The following NKAIN2 variants were observed in gnomAD, a reference collection of about 807,000 sequenced individuals.
The protein encoded by NKAIN2 is sodium/potassium transporting ATPase interacting 2, also known as sodium/potassium-transporting ATPase subunit beta-1-interacting protein 2.
Under a neutral mutation model 32.6 loss-of-function variants are expected in NKAIN2, and 14 were observed. The observed-to-expected ratio is 0.43, with a 90% CI of 0.28 to 0.67. The LOEUF (loss-of-function observed/expected upper bound fraction) is 0.67, where lower values mean the gene tolerates loss of function less well. Ranked by LOEUF, NKAIN2 falls within the 30% of genes least tolerant of loss-of-function variation. The probability of loss-of-function intolerance (pLI) is 0.17; values close to 1 mark genes in which losing one functional copy is unlikely to be tolerated. For synonymous variants in NKAIN2, 80 were observed against 87.2 expected (o/e 0.92, Z 0.46); for missense variants, 198 against 258.3 (o/e 0.77, Z 1.60).
intron 3 of NKAIN2, among the ~76,000 whole-genome samples, chr6:124,562,430 A>G (rs1780730436): frequency 6.6e-6 from 1 of 152,228 alleles, no homozygotes; most frequent in South Asian, 2.1e-4. Flanking sequence ...AAGAAAATAA[A>G]CAGATAGTGT....
intron 2 of NKAIN2, among the ~76,000 whole-genome samples, chr6:124,352,424 A>T (rs570137672): frequency 3.3e-5 from 5 of 152,240 alleles, no homozygotes. Flanking sequence ...GTGAATACAG[A>T]TAAACATGGT....
intron 1 of NKAIN2, among the ~76,000 whole-genome samples, chr6:123,919,601 C>T (rs1400826872): frequency 6.6e-6 from 1 of 152,044 alleles, no homozygotes; most frequent in East Asian, 1.9e-4. Context: ...GTTTTCAAAG[C>T]CTCTGAAAAC....
chr6:124,061,995 C>G (rs574920308), intron 1 of NKAIN2, among the ~76,000 whole-genome samples: 1 of 152,054 alleles, frequency 6.6e-6, no homozygotes, highest in Non-Finnish European at 1.5e-5. Context: ...GGTGCAGAAA[C>G]TGAGATATCT....
At chr6:124,303,510 G>A (rs150813094) in intron 2 of NKAIN2, among the ~76,000 whole-genome samples, 26 of 152,310 alleles carry the variant, frequency 1.7e-4, no homozygotes, top group African/African-American at 5.8e-4. Flanking sequence ...GTCAAAGGCC[G>A]TAATTTGTGC....
At chr6:124,793,827 AC>A (rs1779873281) in intron 5 of NKAIN2, among the ~76,000 whole-genome samples, 1 of 152,116 alleles carries the variant, frequency 6.6e-6, no homozygotes, top group South Asian at 2.1e-4. Context: ...TGTTTTAATC[AC>A]ATTACCTTGA....
chr6:124,412,778 C>T (rs1032622784), intron 3 of NKAIN2, among the ~76,000 whole-genome samples: 3 of 152,172 alleles, frequency 2.0e-5, no homozygotes, highest in Non-Finnish European at 4.4e-5. Flanking sequence ...AGAGGTGGAG[C>T]CTACCTAGGC....
At chr6:123,848,928 A>G (rs1463721447) in intron 1 of NKAIN2, among the ~76,000 whole-genome samples, 1 of 152,212 alleles carries the variant, frequency 6.6e-6, no homozygotes, top group Non-Finnish European at 1.5e-5. Flanking sequence ...GGACTTAGTG[A>G]TATTTCTGCC....
chr6:124,180,997 G>C (rs1048468779), intron 1 of NKAIN2, among the ~76,000 whole-genome samples: 1 of 152,216 alleles, frequency 6.6e-6, no homozygotes, highest in African/African-American at 2.4e-5. Flanking sequence ...CCCTAGCAGA[G>C]GTTCTCCATG....
intron 3 of NKAIN2, among the ~76,000 whole-genome samples, chr6:124,631,817 C>T (rs1462168340): frequency 1.3e-5 from 2 of 152,120 alleles, no homozygotes; most frequent in Non-Finnish European, 1.5e-5. Context: ...CCCCATTTAA[C>T]ATAATTTTTA....
At chr6:124,047,452 A>C (rs61257073) in intron 1 of NKAIN2, among the ~76,000 whole-genome samples, 9 of 151,842 alleles carry the variant, frequency 5.9e-5, no homozygotes, top group East Asian at 3.9e-4. Context: ...CTCTCTCTAT[A>C]TATATATAGT....
chr6:124,496,853 C>A (rs1778081473), intron 3 of NKAIN2, among the ~76,000 whole-genome samples: 1 of 152,108 alleles, frequency 6.6e-6, no homozygotes, highest in African/African-American at 2.4e-5. Flanking sequence ...CGCCCCTAAA[C>A]ATCCTCTTTT....
intron 3 of NKAIN2, among the ~76,000 whole-genome samples, chr6:124,415,302 A>C (rs1055924209): frequency 6.6e-6 from 1 of 152,120 alleles, no homozygotes; most frequent in Non-Finnish European, 1.5e-5. Context: ...AAGTTGACTA[A>C]TTTTCTAGAA....
At chr6:124,428,921 T>C (rs1775091596) in intron 3 of NKAIN2, among the ~76,000 whole-genome samples, 1 of 152,144 alleles carries the variant, frequency 6.6e-6, no homozygotes, top group Non-Finnish European at 1.5e-5. Context: ...GCCCCTTGCT[T>C]TCTTGTTCTC....
At chr6:124,633,525 A>AACATCAACACTT (rs1228846820) in intron 3 of NKAIN2, among the ~76,000 whole-genome samples, 2 of 152,202 alleles carry the variant, frequency 1.3e-5, no homozygotes, top group Non-Finnish European at 2.9e-5. Flanking sequence ...CATCATCAAT[A>AACATCAACACTT]ACATCAACAC....
At chr6:123,941,469 G>A (rs796895916) in intron 1 of NKAIN2, among the ~76,000 whole-genome samples, 99 of 151,864 alleles carry the variant, frequency 6.5e-4, no homozygotes, top group African/African-American at 2.3e-3. Context: ...AAACACATGA[G>A]TAATGCCTCT....
At chr6:124,441,402 T>C (rs1775682003) in intron 3 of NKAIN2, among the ~76,000 whole-genome samples, 1 of 152,062 alleles carries the variant, frequency 6.6e-6, no homozygotes, top group African/African-American at 2.4e-5. Context: ...TTGAATATGG[T>C]ATAGCTTTAG....
chr6:124,367,982 G>A lies in NKAIN2; in HGVS notation c.273+12635G>A, dbSNP rs770474780. 6.8e-4 allele frequency among the ~76,000 whole-genome samples: 103 copies of A among 152,094 alleles called. 1 individual carries two copies. The highest frequency in any genetic ancestry group is 3.3e-3 in the Admixed American group (51 of 15,254). ...AAAGCCATGGAACTCTTAATGCTGGGTAGGTTATACCCAGAGCTCTAAGGA... is the reference window on the plus strand; with the variant it reads ...AAAGCCATGGAACTCTTAATGCTGGATAGGTTATACCCAGAGCTCTAAGGA... On this transcript the variant is annotated intron_variant, in intron 3 of 6. Transcript: ENST00000368417.
intron 2 of NKAIN2, among the ~76,000 whole-genome samples, chr6:124,290,414 A>G (rs56833426): frequency 0.029 from 4,413 of 152,092 alleles, 214 homozygotes; most frequent in African/African-American, 0.1. Context: ...TTAATCAAAA[A>G]GTAAAATTGG....
intron 1 of NKAIN2, among the ~76,000 whole-genome samples, chr6:124,163,717 G>T (rs1450336858): frequency 6.6e-6 from 1 of 151,758 alleles, no homozygotes; most frequent in Admixed American, 6.6e-5. Flanking sequence ...GATATTGAAA[G>T]AAATCCAAAG....
Sources: allele counts gnomAD v4.1 joint callset (sites outside exome capture counted in the v4.1 genomes callset), GRCh38; gene constraint gnomAD v4.1.1; transcripts MANE v1.5; gene names NCBI Gene and HGNC (gene_info 2026-07-23, HGNC 2026-07-21).